Variants in MGA observed in about 807,000 individuals in gnomAD.
MGA encodes MAX dimerization protein MGA, also known as MAX gene-associated protein.
MGA carries 40 observed loss-of-function variants against 261.1 expected under a neutral mutation model. The ratio of observed to expected loss-of-function variants is 0.15; its 90% confidence interval spans 0.12 to 0.20. The LOEUF is 0.20. MGA is among the 10% of genes least tolerant of loss of function. The pLI is 1.00. For missense variants in MGA, 3,397 were observed against 3,630.5 expected (o/e 0.94, Z 1.65); for synonymous variants, 1,302 against 1,290.6 (o/e 1.01, Z -0.19).
chr15:41,698,414 C>T lies in MGA; in HGVS notation c.2014-449C>T, dbSNP rs569459022. Among the ~76,000 whole-genome samples, 21 of 152,132 alleles carry T rather than the reference C, an allele frequency of 1.4e-4. No individual in the cohort carries two copies. The East Asian group carries it at 4.1e-3, about 29-fold the overall frequency. On this transcript the variant is annotated intron_variant, in intron 3 of 23. Coordinates refer to ENST00000219905, the MANE Select transcript of MGA (RefSeq NM_001164273.2). ...TCTCCTGACCTTGTGATCCACCTGC[C>T]TCGGCCTCCCAAAGTGCTGGGATTA...
intron 19 of MGA, chr15:41,760,086 A>G: frequency 2.2e-6 from 1 of 459,108 alleles, no homozygotes; most frequent in South Asian, 3.2e-5. Context: ...AATCACTGAA[A>G]TTTGAACTGA....
At chr15:41,752,956 A>G (rs1198827904) in intron 17 of MGA, among the ~76,000 whole-genome samples, 6 of 152,166 alleles carry the variant, frequency 3.9e-5, no homozygotes, top group African/African-American at 1.4e-4. Context: ...TAAAGGTCAT[A>G]TTAAGTGATC....
intron 1 of MGA, among the ~76,000 whole-genome samples, chr15:41,652,252 C>T (rs1042948428): frequency 1.3e-5 from 2 of 150,814 alleles, no homozygotes; most frequent in African/African-American, 2.4e-5. Flanking sequence ...GGATTACAGG[C>T]GTGAGCCACC....
At chr15:41,668,351 G>C (rs1403234871) in intron 1 of MGA, among the ~76,000 whole-genome samples, 1 of 152,044 alleles carries the variant, frequency 6.6e-6, no homozygotes, top group Non-Finnish European at 1.5e-5. Context: ...ACCATATGAA[G>C]AACTAATTCT....
intron 1 of MGA, among the ~76,000 whole-genome samples, chr15:41,648,698 G>A (rs562323960): frequency 1.3e-5 from 2 of 152,264 alleles, no homozygotes; most frequent in African/African-American, 4.8e-5. Context: ...GAAATAGAAG[G>A]TCATTGTGCC....
intron 1 of MGA, among the ~76,000 whole-genome samples, chr15:41,644,225 G>A (rs1262256310): frequency 1.3e-5 from 2 of 151,524 alleles, no homozygotes; most frequent in Admixed American, 6.6e-5. Context: ...TACAGGCCAG[G>A]TACAGTGAGT....
chr15:41,688,629 T>C (rs988758483), intron 2 of MGA, among the ~76,000 whole-genome samples: 1 of 152,090 alleles, frequency 6.6e-6, no homozygotes, highest in Non-Finnish European at 1.5e-5. Context: ...TTTAACCATG[T>C]CATCTTGCTA....
Position 41,750,195 on chromosome 15 carries a change from G to T in MGA, c.6588G>T (p.Glu2196Asp). 1 of 1,613,878 alleles carries T rather than the reference G, an allele frequency of 6.2e-7. No homozygotes were observed. Among genetic ancestry groups the T allele is most frequent in the African/African-American group, 1.3e-5 (1 of 75,030 alleles). Reference sequence around the variant, plus strand: ...GAGCTTCACAGGAATGTAAGAAAGAGGCAGACGAGCAGTTAATTAAAGAAA... The same window carrying T: ...GAGCTTCACAGGAATGTAAGAAAGATGCAGACGAGCAGTTAATTAAAGAAA... The change falls in exon 17 of 24, where the codon GAG becomes GAT. Residue 2196 changes from glutamate (E) to aspartate (D), a missense_variant. Physicochemically the swap from Glu to Asp is conservative, Grantham distance 45. Transcript: ENST00000219905.
At position 41,713,206 on chromosome 15, in the gene MGA, G is replaced by T; in HGVS notation, c.3140G>T (p.Cys1047Phe). ...ATCATAAGGAAACGAGCCCCTCCCT[G>T]CAACAATGACTTCTGTCGACTGGGT... The change falls in exon 9 of 24, where the codon TGC (cysteine) becomes TTC (phenylalanine). Residue 1047 changes from cysteine to phenylalanine, a missense_variant. By Grantham distance (205) the Cys-to-Phe change is radical (BLOSUM62 -2). Transcript: ENST00000219905. 1 of 1,613,964 alleles carries T rather than the reference G, an allele frequency of 6.2e-7. No homozygotes were observed. Among genetic ancestry groups the T allele is most frequent in the Non-Finnish European group, 8.5e-7 (1 of 1,179,900 alleles).
At chr15:41,734,457 C>G (rs2061671253) in intron 11 of MGA, 65 bp from the exon 12 acceptor site, 5 of 1,270,326 alleles carry the variant, frequency 3.9e-6, no homozygotes, top group Non-Finnish European at 5.5e-6. Flanking sequence ...ATGCTTGTGT[C>G]CAAGTTTCTG....
rs1400283834 is a variant in MGA, at chr15:41,766,740, G to A, written c.8658G>A (p.Glu2886=). The change falls in exon 24 of 24, where the codon GAG becomes GAA. Residue 2886 remains glutamate (E), a synonymous_variant. Transcript: ENST00000219905. The stretch of plus-strand genomic sequence containing the variant: ...AGCACTTGGGAACTGGTTTGAAAGA[G>A]TTGCCTGATGTTCAAGGGGAGAGTG... The A allele has an allele frequency of 6.2e-7, 1 of 1,613,968 alleles. No homozygotes were observed. Among genetic ancestry groups the A allele is most frequent in the Admixed American group, 1.7e-5 (1 of 60,020 alleles).
intron 2 of MGA, among the ~76,000 whole-genome samples, chr15:41,681,931 T>G (rs1003869028): frequency 1.5e-4 from 23 of 152,324 alleles, no homozygotes; most frequent in African/African-American, 5.5e-4. Context: ...TTTTTTGTTT[T>G]TCCGAGATGG....
chr15:41,700,597 T>G (rs1441090314), intron 5 of MGA, among the ~76,000 whole-genome samples: 1 of 152,128 alleles, frequency 6.6e-6, no homozygotes, highest in Non-Finnish European at 1.5e-5. Flanking sequence ...ATGGCTGCAG[T>G]TTTCATTTTT....
Position 41,768,839 on chromosome 15 carries a change from G to A in MGA, c.*1559G>A, listed in dbSNP as rs1017901185. On this transcript the variant is annotated 3_prime_UTR_variant, in exon 24 of 24. Transcript: ENST00000219905. ...CAGTGAATTATTATTTCCATGGTTGGTTCCCTTTCTGTTAACTCTGGTAAT... is the reference window on the plus strand; with the variant it reads ...CAGTGAATTATTATTTCCATGGTTGATTCCCTTTCTGTTAACTCTGGTAAT... The A allele has an allele frequency of 6.6e-6, 1 of 152,222 alleles. No individual in the cohort carries two copies. The highest frequency in any genetic ancestry group is 2.4e-5 in the African/African-American group (1 of 41,430). 9.4% of individuals were successfully genotyped at this position (152,222 alleles called of 1,614,324 possible). A position where few individuals can be genotyped will look rare whatever the true frequency, so the allele number is the denominator to read the frequency against.
At chr15:41,631,950 G>A (rs918847833) in intron 1 of MGA, among the ~76,000 whole-genome samples, 2 of 151,876 alleles carry the variant, frequency 1.3e-5, no homozygotes, top group Non-Finnish European at 2.9e-5. Context: ...AAAGATAATT[G>A]TCTTTACATA....
Position 41,762,381 on chromosome 15 carries a change from G to T in MGA, c.7744+19G>T. ...GCCACAGGTAGGAGGGACATTCTTCGCTTTCCTTAATGTAGATATACATCA... is the reference window on the plus strand; with the variant it reads ...GCCACAGGTAGGAGGGACATTCTTCTCTTTCCTTAATGTAGATATACATCA... On this transcript the variant is annotated intron_variant, in intron 22 of 23. Transcript: ENST00000219905. 9.4e-6 allele frequency: 15 copies of T among 1,590,704 alleles called. No homozygotes were observed. The highest frequency in any genetic ancestry group is 1.2e-5 in the Non-Finnish European group (14 of 1,164,006).
chr15:41,727,072 A>T, intron 9 of MGA, 108 bp from the exon 10 acceptor site: 1 of 759,656 alleles, frequency 1.3e-6, no homozygotes, highest in Non-Finnish European at 2.1e-6. Flanking sequence ...TGATTATTTT[A>T]ACGAGTTACT....
intron 9 of MGA, among the ~76,000 whole-genome samples, chr15:41,720,610 T>C (rs980239301): frequency 6.6e-6 from 1 of 152,044 alleles, no homozygotes; most frequent in African/African-American, 2.4e-5. Context: ...GGTGGGCAGA[T>C]TGCCTGAGCT....
intron 8 of MGA, among the ~76,000 whole-genome samples, chr15:41,712,242 A>G (rs1393228798): frequency 6.6e-6 from 1 of 150,972 alleles, no homozygotes; most frequent in Non-Finnish European, 1.5e-5. Context: ...TTATTTATTT[A>G]TTTGTTTTTG....
Sources: allele counts gnomAD v4.1 joint callset (sites outside exome capture counted in the v4.1 genomes callset), GRCh38; gene constraint gnomAD v4.1.1; transcripts MANE v1.5; gene names NCBI Gene and HGNC (gene_info 2026-07-23, HGNC 2026-07-21).